Variants in DNAH3 observed in about 807,000 individuals in gnomAD.
DNAH3 encodes the protein axonemal beta dynein heavy chain 3.
In DNAH3, 332 loss-of-function variants were observed where a neutral mutation model predicts 432.5. The ratio of observed to expected loss-of-function variants is 0.77; its 90% CI spans 0.70 to 0.84. The LOEUF (loss-of-function observed/expected upper bound fraction) is 0.84. Among genes scored for constraint, DNAH3 ranks in the 40% least tolerant of loss-of-function variants. The probability of loss-of-function intolerance (pLI) is 0.00; values close to 1 mark genes in which losing one functional copy is unlikely to be tolerated. For synonymous variants in DNAH3, 1,956 were observed against 1,900.2 expected (o/e 1.03, Z -0.76); for missense variants, 4,861 against 5,114.0 (o/e 0.95, Z 1.51).
At position 20,935,344 on chromosome 16, in the gene DNAH3, C is replaced by T. The variant is rs773029836; in HGVS notation, c.11997+4G>A. 1.9e-6 allele frequency: 3 copies of T among 1,613,868 alleles called. No homozygotes were observed. The East Asian group carries it at 6.7e-5, about 36-fold the overall frequency. The stretch of plus-strand genomic sequence containing the variant: ...TGAGTGAGCCTAACCCAAAGCACCC[C>T]TACCTCAAACTCAAATCCAATGTGG... On this transcript the variant is annotated splice_donor_region_variant and intron_variant, in intron 61 of 61. Coordinates refer to ENST00000261383, the Ensembl canonical transcript of DNAH3.
At chr16:20,949,089 G>A (rs1004765086) in intron 56 of DNAH3, among the ~76,000 whole-genome samples, 6 of 151,896 alleles carry the variant, frequency 4.0e-5, no homozygotes, top group South Asian at 2.1e-4. Flanking sequence ...TCTTCCATTC[G>A]TTTGTGCGAC....
Position 21,085,543 on chromosome 16 carries a change from A to G in DNAH3, c.2877+1306T>C, listed in dbSNP as rs561358509. On this transcript the variant is annotated intron_variant, in intron 19 of 61. Transcript: ENST00000261383. ...ATTCCACCTCAAAAAAAAAAAAAAA[A>G]AAAAAGAAAAACAGAGGTCTACTCA... 3.7e-4 allele frequency among the ~76,000 whole-genome samples: 56 copies of G among 151,560 alleles called. No individual in the cohort carries two copies. In the South Asian group the frequency reaches 4.0e-3, roughly 11 times the overall value.
chr16:21,143,712 T>C (rs934956708), intron 3 of DNAH3, among the ~76,000 whole-genome samples: 1 of 152,158 alleles, frequency 6.6e-6, no homozygotes, highest in African/African-American at 2.4e-5. Flanking sequence ...CTAGAGACTG[T>C]GGGTGTGTAT....
chr16:20,959,280 C>G, exon 54 of DNAH3: 3 of 1,614,136 alleles, frequency 1.9e-6, no homozygotes, highest in Non-Finnish European at 2.5e-6. Context: ...GTAAGACCAC[C>G]CAGGTCCCGT....
At chr16:20,987,304 CCTT>C in exon 47 of DNAH3, 6 of 1,613,772 alleles carry the variant, frequency 3.7e-6, no homozygotes, top group Non-Finnish European at 5.1e-6. Context: ...ATCTGGTTTA[CCTT>C]CTCTATGGTC....
At chr16:20,962,173 T>C (rs1436539286) in intron 53 of DNAH3, among the ~76,000 whole-genome samples, 1 of 151,164 alleles carries the variant, frequency 6.6e-6, no homozygotes, top group East Asian at 1.9e-4. Context: ...AATAAATAAA[T>C]AAAATAAAAT....
intron 14 of DNAH3, among the ~76,000 whole-genome samples, chr16:21,108,073 C>A (rs530186458): frequency 6.6e-6 from 1 of 152,208 alleles, no homozygotes; most frequent in South Asian, 2.1e-4. Flanking sequence ...GGGGTTTCAC[C>A]ATCTTGACCA....
chr16:20,944,546 C>T lies in DNAH3; in HGVS notation c.11461G>A (p.Val3821Ile), dbSNP rs1009725927. 9 of 1,614,010 alleles carry T rather than the reference C, an allele frequency of 5.6e-6. No individual in the cohort carries two copies. The highest frequency in any genetic ancestry group is 1.3e-5 in the African/African-American group (1 of 74,914). ...GACTGTCTAGGGAGGGTCAGCAGGACCCCCTCAAACAGCTGGTTGGTTTCC... is the reference window on the plus strand; with the variant it reads ...GACTGTCTAGGGAGGGTCAGCAGGATCCCCTCAAACAGCTGGTTGGTTTCC... The change falls in exon 58 of 62, where the codon GTC becomes ATC. Residue 3821 changes from valine (V) to isoleucine (I), a missense_variant. Transcript: ENST00000261383.
At chr16:20,960,595 G>A (rs1262798563) in intron 53 of DNAH3, among the ~76,000 whole-genome samples, 1 of 152,142 alleles carries the variant, frequency 6.6e-6, no homozygotes, top group Non-Finnish European at 1.5e-5. Context: ...CGAGCTACTC[G>A]GGAGGCTGAG....
chr16:21,130,328 A>T (rs1443032294), intron 7 of DNAH3, among the ~76,000 whole-genome samples: 1 of 145,066 alleles, frequency 6.9e-6, no homozygotes. Flanking sequence ...TTTTCTTGAG[A>T]CAGGGTCTCA....
intron 37 of DNAH3, among the ~76,000 whole-genome samples, chr16:21,028,664 A>AAG (rs1567663665): frequency 6.6e-6 from 1 of 151,940 alleles, no homozygotes; most frequent in African/African-American, 2.4e-5. Flanking sequence ...AAAAAAAAAA[A>AAG]AAAGAAAGAA....
intron 6 of DNAH3, 78 bp downstream of exon 7, chr16:21,136,246 T>C: frequency 7.2e-7 from 1 of 1,386,562 alleles, no homozygotes; most frequent in Non-Finnish European, 1.0e-6. Context: ...AGACCTTGTC[T>C]CTACAAAAAT....
intron 1 of DNAH3, among the ~76,000 whole-genome samples, chr16:21,157,193 TATC>T (rs1426995077): frequency 6.6e-6 from 1 of 152,186 alleles, no homozygotes; most frequent in Non-Finnish European, 1.5e-5. Context: ...TGGTTTATCA[TATC>T]ATTGTCGTGA....
chr16:20,933,437 T>A, exon 62 of DNAH3: 1 of 1,614,022 alleles, frequency 6.2e-7, no homozygotes, highest in Non-Finnish European at 8.5e-7. Flanking sequence ...ACGGGCACCT[T>A]CTAAGAAGAG....
At chr16:21,151,584 T>C (rs9924605) in intron 1 of DNAH3, among the ~76,000 whole-genome samples, 37,406 of 151,990 alleles carry the variant, frequency 0.25, 4,661 homozygotes, top group East Asian at 0.31. Context: ...TGTGAGCCAC[T>C]GCGCCCAGCC....
At chr16:20,956,735 T>A (rs936636602) in intron 54 of DNAH3, among the ~76,000 whole-genome samples, 2 of 152,158 alleles carry the variant, frequency 1.3e-5, no homozygotes, top group Non-Finnish European at 2.9e-5. Flanking sequence ...TTAATTTATT[T>A]ATGTTTGGGA....
intron 11 of DNAH3, among the ~76,000 whole-genome samples, chr16:21,120,125 AC>A (rs2092304624): frequency 2.1e-5 from 1 of 47,228 alleles, no homozygotes; most frequent in African/African-American, 9.5e-5. Context: ...TTTTTTTTTG[AC>A]AGAGTCTCAC....
rs1200564711 is a variant in DNAH3, at chr16:21,020,394, TA to T, written c.5777-526del. Reference sequence around the variant, plus strand: ...AAATCACTATATATATATATATATATATATTTTTTTTTTTTTTTTTTTTTTT... The same window carrying T: ...AAATCACTATATATATATATATATATTATTTTTTTTTTTTTTTTTTTTTTT... On this transcript the variant is annotated intron_variant, in intron 40 of 61. Transcript: ENST00000261383. Among the ~76,000 whole-genome samples the T allele has an allele frequency of 3.0e-3, 91 of 30,012 alleles. 2 individuals carry two copies. The highest frequency in any genetic ancestry group is 0.011 in the African/African-American group (69 of 6,468). The allele number at this position is 30,012 out of a possible 152,430, so 19.7% of individuals were successfully genotyped here. A position where few individuals can be genotyped will look rare whatever the true frequency, so the allele number is the denominator to read the frequency against.
chr16:20,948,538 T>C (rs770732152), exon 57 of DNAH3: 4 of 1,613,992 alleles, frequency 2.5e-6, no homozygotes, highest in Admixed American at 1.7e-5. Flanking sequence ...GAGGGAGTAA[T>C]AGTCCTCCTC....
Sources: allele counts gnomAD v4.1 joint callset (sites outside exome capture counted in the v4.1 genomes callset), GRCh38; gene constraint gnomAD v4.1.1; transcripts MANE v1.5; gene names NCBI Gene and HGNC (gene_info 2026-07-23, HGNC 2026-07-21).